ADGRG5: variants seen among roughly 807,000 people sequenced by gnomAD.
ADGRG5 encodes the protein G protein-coupled receptor 114.
A neutral mutation model predicts 53.2 loss-of-function variants in ADGRG5; 37 were observed. That is an observed-to-expected ratio of 0.70 (90% CI 0.53 to 0.91). The LOEUF is 0.91. Ranked by LOEUF, ADGRG5 falls within the 40% of genes least tolerant of loss-of-function variation. The pLI, the probability that ADGRG5 is intolerant of heterozygous loss-of-function variation, is 0.00. For missense variants in ADGRG5, 614 were observed against 675.8 expected, an observed-to-expected ratio of 0.91 and a Z score of 1.01; for synonymous variants, 277 against 290.4, an observed-to-expected ratio of 0.95 and a Z score of 0.47.
chr16:57,540,403 C>A (rs1390805396), upstream of ADGRG5, among the ~76,000 whole-genome samples: 1 of 152,210 alleles, frequency 6.6e-6, no homozygotes, highest in Non-Finnish European at 1.5e-5. Flanking sequence ...AATCTTCTTG[C>A]AGGCTACTCA....
chr16:57,532,887 GGGGCCC>G, the ADGRG5 span, among the ~76,000 whole-genome samples: 1 of 152,324 alleles, frequency 6.6e-6, no homozygotes, highest in South Asian at 2.1e-4. Flanking sequence ...GCTGGGTATG[GGGGCCC>G]GGGCCCTGTC....
chr16:57,564,980 C>A, intron 5 of ADGRG5, 54 bp from the exon 6 acceptor site: 3 of 1,055,082 alleles, frequency 2.8e-6, no homozygotes, highest in Admixed American at 1.8e-5. Flanking sequence ...TCAGACCTTA[C>A]CCAGGGCCTC....
At chr16:57,536,175 C>G in the ADGRG5 span, among the ~76,000 whole-genome samples, 1 of 152,140 alleles carries the variant, frequency 6.6e-6, no homozygotes, top group Non-Finnish European at 1.5e-5. Context: ...CGTTGGGTCC[C>G]CCGGGAGAGT....
chr16:57,540,096 C>T (rs775526189), upstream of ADGRG5, among the ~76,000 whole-genome samples: 8 of 151,888 alleles, frequency 5.3e-5, no homozygotes, highest in African/African-American at 9.7e-5. Context: ...TACAAAAATT[C>T]GCTGGGCGTG....
At chr16:57,565,384 A>G (rs2033108425) in intron 6 of ADGRG5, 1 of 555,396 alleles carries the variant, frequency 1.8e-6, no homozygotes, top group East Asian at 3.0e-5. Flanking sequence ...CACAGAGGGA[A>G]CTGATTGGCA....
At chr16:57,543,239 C>T (rs2032528495) in intron 1 of ADGRG5, 1 of 151,066 alleles carries the variant, frequency 6.6e-6, no homozygotes, top group African/African-American at 2.4e-5. Flanking sequence ...CCTCTCTTTC[C>T]CAACCTGGGA....
chr16:57,532,887 G>A, the ADGRG5 span, among the ~76,000 whole-genome samples: 1 of 152,206 alleles, frequency 6.6e-6, no homozygotes, highest in Non-Finnish European at 1.5e-5. Context: ...GCTGGGTATG[G>A]GGGCCCGGGC....
intron 1 of ADGRG5, among the ~76,000 whole-genome samples, chr16:57,553,794 T>G (rs1342011728): frequency 6.6e-6 from 1 of 152,262 alleles, no homozygotes; most frequent in Non-Finnish European, 1.5e-5. Context: ...GTAATGTCTG[T>G]GGCTAGTTTT....
At chr16:57,559,231 T>C (rs2032948879) in intron 1 of ADGRG5, among the ~76,000 whole-genome samples, 1 of 152,156 alleles carries the variant, frequency 6.6e-6, no homozygotes. Context: ...CAACATTTGC[T>C]TTATAGCAGG....
the ADGRG5 span, among the ~76,000 whole-genome samples, chr16:57,533,261 C>G: frequency 6.6e-6 from 1 of 152,096 alleles, no homozygotes; most frequent in Non-Finnish European, 1.5e-5. Flanking sequence ...GGCCCAGGGT[C>G]CCCTGGAGCG....
chr16:57,568,453 A>G (rs750991576), intron 9 of ADGRG5, among the ~76,000 whole-genome samples: 37 of 148,524 alleles, frequency 2.5e-4, no homozygotes, highest in Non-Finnish European at 3.7e-4. Flanking sequence ...CATCACCACC[A>G]TCATCATCTC....
intron 5 of ADGRG5, among the ~76,000 whole-genome samples, chr16:57,564,312 AT>A (rs5817100): frequency 0.029 from 4,076 of 139,560 alleles, 119 homozygotes; most frequent in African/African-American, 0.086. Context: ...GACCTTACAG[AT>A]TTTTTTTTTT....
At chr16:57,530,080 G>A in the ADGRG5 span, among the ~76,000 whole-genome samples, 1 of 152,144 alleles carries the variant, frequency 6.6e-6, no homozygotes, top group Admixed American at 6.5e-5. Flanking sequence ...CTGAATGAAC[G>A]CACGCGCTGG....
At chr16:57,568,145 C>A in intron 9 of ADGRG5, 21 bp downstream of exon 9, 1 of 1,611,132 alleles carries the variant, frequency 6.2e-7, no homozygotes, top group South Asian at 1.1e-5. Flanking sequence ...CATCTCTCCT[C>A]GCCTCCTCAG....
the ADGRG5 span, among the ~76,000 whole-genome samples, chr16:57,536,211 C>G: frequency 6.6e-6 from 1 of 152,222 alleles, no homozygotes; most frequent in East Asian, 1.9e-4. Flanking sequence ...CGCCCGCCGC[C>G]CCCTCCCGTC....
At chr16:57,546,288 C>T (rs1341374075) in intron 1 of ADGRG5, among the ~76,000 whole-genome samples, 2 of 152,126 alleles carry the variant, frequency 1.3e-5, no homozygotes, top group African/African-American at 4.8e-5. Context: ...CCATGCTCAG[C>T]TAATGTTTCT....
intron 1 of ADGRG5, 36 bp from the exon 2 acceptor site, chr16:57,562,020 T>C (rs2033013453): frequency 7.6e-6 from 10 of 1,307,826 alleles, no homozygotes; most frequent in Non-Finnish European, 1.1e-5. Flanking sequence ...GAGGTTGCTC[T>C]TTTATCATCA....
chr16:57,564,175 T>C (rs1000508089), intron 5 of ADGRG5, among the ~76,000 whole-genome samples, 196 bp downstream of exon 5: 1 of 152,118 alleles, frequency 6.6e-6, no homozygotes, highest in Non-Finnish European at 1.5e-5. Context: ...GGTAGGAAGG[T>C]ATAATTACAA....
At chr16:57,529,382 C>T in the ADGRG5 span, 1 of 512,154 alleles carries the variant, frequency 2.0e-6, no homozygotes, top group Non-Finnish European at 2.7e-6. The surrounding 1 kb of genome is among the most constrained non-coding windows in gnomAD (Gnocchi z 4.1). Flanking sequence ...GAAGATCAGC[C>T]GCGCCAAGGC....
Sources: allele counts gnomAD v4.1 joint callset (sites outside exome capture counted in the v4.1 genomes callset), GRCh38; gene constraint gnomAD v4.1.1; non-coding constraint Gnocchi (gnomAD v3.1); transcripts MANE v1.5; gene names NCBI Gene and HGNC (gene_info 2026-07-23, HGNC 2026-07-21).